The following CDC27 variants were observed in gnomAD, a reference collection of about 807,000 sequenced individuals.
The protein encoded by CDC27 is cell division cycle protein 27 homolog.
CDC27 carries 27 observed loss-of-function variants against 109.7 expected under a neutral mutation model. The observed-to-expected ratio is 0.25, with a 90% CI of 0.18 to 0.34. The LOEUF is 0.34. CDC27 is among the 10% of genes least tolerant of loss of function. The pLI is 1.00. For synonymous variants in CDC27, 266 were observed against 333.9 expected (o/e 0.80, Z 2.22); for missense variants, 579 against 960.2 (o/e 0.60, Z 5.25).
intron 16 of CDC27, among the ~76,000 whole-genome samples, chr17:47,125,398 C>T (rs1782749655): frequency 6.6e-6 from 1 of 151,656 alleles, no homozygotes; most frequent in Non-Finnish European, 1.5e-5. Context: ...AGGCGTGTGC[C>T]ACCATGCCTG....
At chr17:47,122,050 A>C (rs1339620470) in intron 18 of CDC27, among the ~76,000 whole-genome samples, 1 of 152,048 alleles carries the variant, frequency 6.6e-6, no homozygotes, top group African/African-American at 2.4e-5. Flanking sequence ...ATGGCTTATA[A>C]TTTTAATTAA....
At chr17:47,134,789 T>TC (rs2062523889) in intron 14 of CDC27, among the ~76,000 whole-genome samples, 1 of 149,868 alleles carries the variant, frequency 6.7e-6, no homozygotes, top group African/African-American at 2.4e-5. Context: ...TGTTTTCTTT[T>TC]TTTTTTTTTT....
chr17:47,181,311 G>GAA (rs575218423), intron 2 of CDC27: 1 of 190,892 alleles, frequency 5.2e-6, no homozygotes, highest in Non-Finnish European at 1.0e-5. Context: ...AACCCTGGGG[G>GAA]AAAAAAAAAC....
At chr17:47,149,509 TAAAAAAA>T (rs34375130) in intron 9 of CDC27, among the ~76,000 whole-genome samples, 1 of 112,178 alleles carries the variant, frequency 8.9e-6, no homozygotes, top group Admixed American at 9.5e-5. Context: ...GACTCTGTCT[TAAAAAAA>T]AAAAAAAAAA....
chr17:47,132,743 TA>T (rs2062386009), intron 14 of CDC27, among the ~76,000 whole-genome samples: 3 of 48,012 alleles, frequency 6.2e-5, no homozygotes, highest in African/African-American at 1.4e-4. Context: ...TAAAGCAGTT[TA>T]TTATTATTAT....
chr17:47,132,424 C>T (rs1330530382), intron 14 of CDC27, 50 bp from the exon 15 acceptor site: 2 of 864,614 alleles, frequency 2.3e-6, no homozygotes, highest in East Asian at 2.8e-5. Flanking sequence ...GTTTAGGTTG[C>T]TAATTTAGTT....
At chr17:47,144,059 T>C (rs1284994779) in intron 9 of CDC27, 77 bp from the exon 10 acceptor site, 2 of 479,770 alleles carry the variant, frequency 4.2e-6, no homozygotes, top group Non-Finnish European at 6.6e-6. Context: ...AATTTGGGTA[T>C]ATTTTAAAAA....
chr17:47,183,800 T>C (rs919061964), intron 1 of CDC27, among the ~76,000 whole-genome samples: 1 of 152,202 alleles, frequency 6.6e-6, no homozygotes, highest in Non-Finnish European at 1.5e-5. Context: ...CAGGTGCTTA[T>C]ATGTTGAATG....
chr17:47,175,074 G>GAAGGAAGGAAGGAAGT (rs1275491900), intron 2 of CDC27, among the ~76,000 whole-genome samples: 1 of 135,394 alleles, frequency 7.4e-6, no homozygotes, highest in Non-Finnish European at 1.6e-5. Flanking sequence ...AGGAAGGAAG[G>GAAGGAAGGAAGGAAGT]AAGGAAGGAA....
In CDC27 at chr17:47,151,743, TAAAG is replaced by T. The variant is rs2063157462; in HGVS notation, c.1070+59_1070+62del. The T allele has an allele frequency of 2.3e-6, 3 of 1,307,688 alleles. No homozygotes were observed. The East Asian group carries it at 7.6e-5, about 33-fold the overall frequency. 81.0% of individuals were successfully genotyped at this position (1,307,688 alleles called of 1,614,324 possible). A position where few individuals can be genotyped will look rare whatever the true frequency, so the allele number is the denominator to read the frequency against. On this transcript the variant is annotated intron_variant, in intron 9 of 18. Transcript: ENST00000066544. ...CACGAGAGTCACTATCTGCCTAAAT[TAAAG>T]AAATGTAAAGAATCAAGTTTTATGC...
At chr17:47,133,052 C>CACACACACACACACAT (rs1266681276) in intron 14 of CDC27, among the ~76,000 whole-genome samples, 2 of 70,686 alleles carry the variant, frequency 2.8e-5, no homozygotes, top group Admixed American at 2.1e-4. Context: ...CACACACACA[C>CACACACACACACACAT]ACATACATAT....
intron 1 of CDC27, among the ~76,000 whole-genome samples, chr17:47,188,433 TTG>T (rs1435967870): frequency 6.6e-6 from 1 of 152,112 alleles, no homozygotes; most frequent in Non-Finnish European, 1.5e-5. Flanking sequence ...ACACCATTAT[TTG>T]TGTTTCATTT....
At chr17:47,151,700 A>G in intron 9 of CDC27, 106 bp downstream of exon 9, 2 of 811,334 alleles carry the variant, frequency 2.5e-6, no homozygotes, top group Non-Finnish European at 1.8e-6. Flanking sequence ...CAAAATTTAC[A>G]GTAGTTATTC....
rs1335928874 is a variant in CDC27, at chr17:47,157,272, T to C, written c.588A>G (p.Arg196=). The C allele has an allele frequency of 3.1e-6, 5 of 1,613,110 alleles. No homozygotes were observed. In the South Asian group the frequency reaches 3.3e-5, roughly 11 times the overall value. The change falls in exon 6 of 19, where the codon AGA becomes AGG. Residue 196 remains arginine (R), a synonymous_variant. Coordinates refer to ENST00000066544, the MANE Select transcript of CDC27 (RefSeq NM_001256.6). ...TQVPNHSLSH[R]QPETVLTETP... ...TTTCCGTAAGAACTGTCTCAGGCTG[T>C]CTGTGAGATAAACTATGATTAGGTA...
intron 14 of CDC27, among the ~76,000 whole-genome samples, chr17:47,134,482 TTTG>T (rs1412277726): frequency 7.9e-5 from 12 of 151,090 alleles, no homozygotes; most frequent in Admixed American, 4.0e-4. Flanking sequence ...TTGTTTTTTT[TTTG>T]TTTTGTTTTG....
chr17:47,151,752 G>A (rs916972533), intron 9 of CDC27, 54 bp downstream of exon 9: 2 of 1,376,098 alleles, frequency 1.5e-6, no homozygotes, highest in East Asian at 2.5e-5. Context: ...TTAAAGAAAT[G>A]TAAAGAATCA....
rs2063340452 is a variant in CDC27 at position 47,157,254 on chromosome 17, A to G, written c.606T>C (p.Leu202=). ...CAATTGTGTCCTGGGGTGTTTCCGTAAGAACTGTCTCAGGCTGTCTGTGAG... is the reference window on the plus strand; with the variant it reads ...CAATTGTGTCCTGGGGTGTTTCCGTGAGAACTGTCTCAGGCTGTCTGTGAG... ...SLSHRQPETV[L]TETPQDTIEL... Residue 202 remains leucine (L), a synonymous_variant, in exon 6 of 19, where the codon CTT becomes CTC. Coordinates refer to ENST00000066544, the MANE Select transcript of CDC27 (RefSeq NM_001256.6). The G allele has an allele frequency of 6.2e-7, 1 of 1,612,226 alleles. No individual in the cohort carries two copies. The highest frequency in any genetic ancestry group is 8.5e-7 in the Non-Finnish European group (1 of 1,179,518).
At chr17:47,127,574 TG>T (rs2062183627) in intron 16 of CDC27, among the ~76,000 whole-genome samples, 1 of 152,076 alleles carries the variant, frequency 6.6e-6, no homozygotes, top group African/African-American at 2.4e-5. Flanking sequence ...GGCTAATTTT[TG>T]TATTTTTAGT....
intron 1 of CDC27, 112 bp downstream of exon 1, chr17:47,189,034 G>C (rs1324383320): frequency 1.3e-6 from 2 of 1,513,182 alleles, no homozygotes; most frequent in African/African-American, 1.4e-5. Context: ...GGCAGCAGGG[G>C]AGGCGGGAGA....
Sources: allele counts gnomAD v4.1 joint callset (sites outside exome capture counted in the v4.1 genomes callset), GRCh38; gene constraint gnomAD v4.1.1; transcripts MANE v1.5; gene names NCBI Gene and HGNC (gene_info 2026-07-23, HGNC 2026-07-21).